XYLT1: variants seen among roughly 807,000 people sequenced by gnomAD.
XYLT1 encodes the protein beta-D-xylosyltransferase 1.
XYLT1 carries 36 observed loss-of-function variants against 91.3 expected under a neutral mutation model. That is an observed-to-expected ratio of 0.39 (90% CI 0.30 to 0.52). The LOEUF (loss-of-function observed/expected upper bound fraction) is 0.52. Among genes scored for constraint, XYLT1 ranks in the 20% least tolerant of loss-of-function variants. XYLT1 has a pLI of 0.68. For missense variants in XYLT1, 1,242 were observed against 1,284.5 expected (o/e 0.97, Z 0.51); for synonymous variants, 588 against 532.0 (o/e 1.11, Z -1.45).
At chr16:17,468,748 C>T (rs187595585) in intron 1 of XYLT1, among the ~76,000 whole-genome samples, 101 of 152,158 alleles carry the variant, frequency 6.6e-4, no homozygotes, top group African/African-American at 2.3e-3. Context: ...CCTCCTGAAC[C>T]CACTCTGACC....
intron 10 of XYLT1, among the ~76,000 whole-genome samples, chr16:17,122,946 T>C (rs76267689): frequency 0.053 from 8,019 of 152,290 alleles, 694 homozygotes; most frequent in African/African-American, 0.18. Flanking sequence ...TGCCTTTTTT[T>C]ATACCAGTAC....
chr16:17,206,989 G>A (rs1449740847), intron 3 of XYLT1, among the ~76,000 whole-genome samples: 1 of 151,880 alleles, frequency 6.6e-6, no homozygotes, highest in Non-Finnish European at 1.5e-5. Context: ...CCCGATCCAG[G>A]AGTTAGCATT....
In XYLT1 at chr16:17,470,623, G is replaced by C; in HGVS notation, c.174C>G (p.Pro58=). The C allele has an allele frequency of 9.0e-7, 1 of 1,115,846 alleles. No individual in the cohort carries two copies. The highest frequency in any genetic ancestry group is 1.1e-6 in the Non-Finnish European group (1 of 917,276). The allele number at this position is 1,115,846 out of a possible 1,614,324, so 69.1% of individuals were successfully genotyped here. The change falls in exon 1 of 12, where the codon CCC becomes CCG. Residue 58 remains proline, a synonymous_variant. Transcript: ENST00000261381. The stretch of plus-strand genomic sequence containing the variant: ...GCTCCCGGCGCGGGGCCGGGGCCGG[G>C]GGCGGCTGCTCCCCGCCGCCGACCG... ...GAAVGGGEQP[P]PAPAPRRERR... is the part of the protein sequence containing the mutation.
At chr16:17,326,752 G>A (rs1396080783) in intron 2 of XYLT1, among the ~76,000 whole-genome samples, 5 of 151,814 alleles carry the variant, frequency 3.3e-5, no homozygotes, top group Non-Finnish European at 7.4e-5. Flanking sequence ...GTGAACCGGG[G>A]AGGCGGAGCT....
At chr16:17,256,581 T>A (rs2033634487) in intron 3 of XYLT1, among the ~76,000 whole-genome samples, 1 of 142,118 alleles carries the variant, frequency 7.0e-6, no homozygotes, top group African/African-American at 2.8e-5. Context: ...ACCTGGGAGG[T>A]GGAGGTTGCA....
chr16:17,252,577 G>A (rs183708978), intron 3 of XYLT1, among the ~76,000 whole-genome samples: 47 of 152,288 alleles, frequency 3.1e-4, no homozygotes, highest in African/African-American at 8.9e-4. Context: ...AGCTGTCACC[G>A]AAAAGGGATG....
chr16:17,322,042 C>T (rs144624758), intron 2 of XYLT1, among the ~76,000 whole-genome samples: 60 of 152,246 alleles, frequency 3.9e-4, no homozygotes, highest in South Asian at 2.9e-3. Flanking sequence ...TGACAATAGC[C>T]ACTACTTTCT....
At chr16:17,375,667 G>C (rs2141878434) in intron 1 of XYLT1, among the ~76,000 whole-genome samples, 1 of 152,368 alleles carries the variant, frequency 6.6e-6, no homozygotes, top group Non-Finnish European at 1.5e-5. Context: ...CGGTGCTCAA[G>C]AGCAGTCCAT....
chr16:17,134,388 A>C, intron 9 of XYLT1, 85 bp downstream of exon 9: 2 of 1,540,370 alleles, frequency 1.3e-6, no homozygotes, highest in Non-Finnish European at 1.8e-6. Flanking sequence ...CAGATCCCTA[A>C]AGAGGAAGAA....
At position 17,198,422 on chromosome 16, in the gene XYLT1, C is replaced by A; in HGVS notation, c.1087-8G>T. The A allele has an allele frequency of 2.5e-6, 4 of 1,613,332 alleles. No homozygotes were observed. Among genetic ancestry groups the A allele is most frequent in the Non-Finnish European group, 3.4e-6 (4 of 1,179,572 alleles). Reference sequence around the variant, plus strand: ...ATGCAGGTAATTAGAGCGCTTTTCCCAGGAGAGAAAGGGTGATGACAGTCA... The same window carrying A: ...ATGCAGGTAATTAGAGCGCTTTTCCAAGGAGAGAAAGGGTGATGACAGTCA... On this transcript the variant is annotated splice_polypyrimidine_tract_variant and splice_region_variant and intron_variant, in intron 4 of 11. Transcript: ENST00000261381.
rs568512444 is a variant in XYLT1 at position 17,311,892 on chromosome 16, T to A, written c.402+46120A>T. ...GGTTTCCCCTTATAAAACCATCAGA[T>A]CTCATGAGACTTATTCACTACAATG... On this transcript the variant is annotated intron_variant, in intron 2 of 11. Coordinates refer to ENST00000261381, the MANE Select transcript of XYLT1 (RefSeq NM_022166.4). 1.5e-4 allele frequency among the ~76,000 whole-genome samples: 23 copies of A among 148,536 alleles called. No individual in the cohort carries two copies. In the South Asian group the frequency reaches 4.7e-3, roughly 30 times the overall value.
intron 2 of XYLT1, among the ~76,000 whole-genome samples, chr16:17,321,605 G>A (rs977666172): frequency 4.6e-5 from 7 of 151,792 alleles, no homozygotes; most frequent in East Asian, 1.9e-4. Context: ...TGATCTCCCC[G>A]TGTCAGACTC....
At chr16:17,292,886 A>C (rs989733547) in intron 2 of XYLT1, among the ~76,000 whole-genome samples, 1 of 152,116 alleles carries the variant, frequency 6.6e-6, no homozygotes, top group Non-Finnish European at 1.5e-5. Context: ...CATCCACTTC[A>C]TCTCAGCCCT....
intron 3 of XYLT1, among the ~76,000 whole-genome samples, chr16:17,252,527 A>G (rs1256220941): frequency 3.3e-5 from 5 of 152,210 alleles, no homozygotes; most frequent in East Asian, 1.9e-4. Context: ...CACGGTTGCC[A>G]GTGGACAGCC....
chr16:17,142,100 T>A (rs937603671), intron 6 of XYLT1, among the ~76,000 whole-genome samples: 5 of 152,172 alleles, frequency 3.3e-5, no homozygotes, highest in African/African-American at 1.2e-4. Flanking sequence ...AGAGATGGGA[T>A]CTTACTATGT....
intron 2 of XYLT1, among the ~76,000 whole-genome samples, chr16:17,266,909 C>T (rs1427591674): frequency 1.3e-5 from 2 of 152,224 alleles, no homozygotes; most frequent in African/African-American, 4.8e-5. Flanking sequence ...TTAGAACATG[C>T]AATTACCCAG....
intron 1 of XYLT1, among the ~76,000 whole-genome samples, chr16:17,411,053 C>G (rs1179379560): frequency 6.6e-6 from 1 of 152,340 alleles, no homozygotes; most frequent in South Asian, 2.1e-4. Flanking sequence ...CCGGGGCCCT[C>G]GAACCTGCCT....
At chr16:17,277,356 C>T (rs112211507) in intron 2 of XYLT1, among the ~76,000 whole-genome samples, 17 of 151,868 alleles carry the variant, frequency 1.1e-4, no homozygotes, top group Non-Finnish European at 1.9e-4. Context: ...TAACCCTTGT[C>T]CCCCTCTAGA....
At chr16:17,141,935 G>A (rs2030989861) in intron 6 of XYLT1, among the ~76,000 whole-genome samples, 1 of 152,046 alleles carries the variant, frequency 6.6e-6, no homozygotes. Context: ...ACAGGGTCGT[G>A]TTCCGTTGCC....
Sources: gnomAD v4.1 joint callset for allele counts (sites outside exome capture counted in the v4.1 genomes callset) on GRCh38, gnomAD v4.1.1 for gene constraint, MANE v1.5 for transcripts, NCBI Gene and HGNC (gene_info 2026-07-23, HGNC 2026-07-21) for gene names.